Variants in WDR7 observed in about 807,000 individuals in gnomAD.
The protein encoded by WDR7 is WD repeat-containing protein 7.
WDR7 carries 46 observed loss-of-function variants against 169.4 expected under a neutral mutation model. That is an observed-to-expected ratio of 0.27 (90% confidence interval 0.21 to 0.35). WDR7 has a LOEUF of 0.35. Among genes scored for constraint, WDR7 ranks in the 10% least tolerant of loss-of-function variants. The probability of loss-of-function intolerance (pLI) is 1.00; values close to 1 mark genes in which losing one functional copy is unlikely to be tolerated. For synonymous variants in WDR7, 612 were observed against 666.8 expected, an observed-to-expected ratio of 0.92 and a Z score of 1.27; for missense variants, 1,534 against 1,859.3, an observed-to-expected ratio of 0.83 and a Z score of 3.22.
intron 19 of WDR7, among the ~76,000 whole-genome samples, chr18:56,793,033 TAAC>T: frequency 6.6e-6 from 1 of 152,310 alleles, no homozygotes; most frequent in East Asian, 1.9e-4. Context: ...CAAAGTACAC[TAAC>T]AGAGTGCCAG....
chr18:56,967,193 A>ATGCT (rs2047421965), intron 26 of WDR7, among the ~76,000 whole-genome samples: 2 of 151,584 alleles, frequency 1.3e-5, no homozygotes, highest in African/African-American at 4.9e-5. Context: ...GCTTGGGTGG[A>ATGCT]AAAGTTGAAG....
chr18:56,750,586 G>A (rs144926643), intron 14 of WDR7, among the ~76,000 whole-genome samples: 88 of 152,300 alleles, frequency 5.8e-4, no homozygotes, highest in African/African-American at 1.9e-3. Context: ...CATTTCAAAT[G>A]TTCTTAATAA....
At chr18:56,987,901 A>T (rs2047747478) in intron 26 of WDR7, among the ~76,000 whole-genome samples, 1 of 152,238 alleles carries the variant, frequency 6.6e-6, no homozygotes, top group South Asian at 2.1e-4. Context: ...ATTTCATGTT[A>T]TCATTAATTT....
chr18:56,913,430 C>T (rs2046579902), intron 21 of WDR7, among the ~76,000 whole-genome samples: 1 of 152,098 alleles, frequency 6.6e-6, no homozygotes, highest in Non-Finnish European at 1.5e-5. Context: ...TTCTTTCTGT[C>T]ATGACTACAT....
chr18:56,710,217 A>G (rs1365742947), intron 12 of WDR7, among the ~76,000 whole-genome samples: 1 of 151,944 alleles, frequency 6.6e-6, no homozygotes, highest in African/African-American at 2.4e-5. Context: ...GTTAGCCAGG[A>G]TGGTCTTGAT....
intron 19 of WDR7, among the ~76,000 whole-genome samples, chr18:56,783,177 G>C (rs1262229782): frequency 2.1e-5 from 3 of 145,574 alleles, no homozygotes; most frequent in Non-Finnish European, 3.0e-5. Flanking sequence ...AAAAAAACAA[G>C]GCATCTAGAC....
chr18:56,724,922 C>T (rs750759924), intron 13 of WDR7, among the ~76,000 whole-genome samples: 75 of 151,934 alleles, frequency 4.9e-4, no homozygotes, highest in Non-Finnish European at 9.6e-4. Flanking sequence ...TTTGTCCTTG[C>T]GATAGTTTGC....
At chr18:56,917,630 A>C (rs2046647026) in intron 21 of WDR7, among the ~76,000 whole-genome samples, 1 of 152,190 alleles carries the variant, frequency 6.6e-6, no homozygotes. Context: ...AAAAGTTTTA[A>C]ACATTGGCAT....
chr18:56,678,216 C>G (rs965583747), intron 2 of WDR7, among the ~76,000 whole-genome samples: 1 of 152,188 alleles, frequency 6.6e-6, no homozygotes, highest in Non-Finnish European at 1.5e-5. Context: ...AATTCAAACC[C>G]TATTTCGAAT....
intron 21 of WDR7, among the ~76,000 whole-genome samples, chr18:56,888,216 C>T (rs147750516): frequency 4.7e-4 from 71 of 152,260 alleles, no homozygotes; most frequent in Middle Eastern, 3.4e-3. Context: ...AGTTTTGTAA[C>T]GTATCTTATA....
intron 14 of WDR7, among the ~76,000 whole-genome samples, chr18:56,752,471 T>C (rs1464300526): frequency 6.6e-6 from 1 of 152,148 alleles, no homozygotes; most frequent in Non-Finnish European, 1.5e-5. Context: ...TCATCCAACA[T>C]TATAATAACT....
chr18:56,804,486 A>G (rs774313315), intron 19 of WDR7, among the ~76,000 whole-genome samples: 9 of 152,242 alleles, frequency 5.9e-5, no homozygotes, highest in South Asian at 4.1e-4. Flanking sequence ...CACTTCACAC[A>G]ATAAAATAAG....
At chr18:56,791,350 C>T (rs1236091512) in intron 19 of WDR7, among the ~76,000 whole-genome samples, 1 of 152,114 alleles carries the variant, frequency 6.6e-6, no homozygotes, top group Non-Finnish European at 1.5e-5. Context: ...AATAATTAAA[C>T]ATTTTCAGAT....
At position 56,722,248 on chromosome 18, in the gene WDR7, AC is replaced by A. The variant is rs1318948781; in HGVS notation, c.1774+4090del. Among the ~76,000 whole-genome samples the A allele has an allele frequency of 1.3e-5, 2 of 152,222 alleles. 1 individual carries two copies. The highest frequency in any genetic ancestry group is 4.1e-4 in the South Asian group (2 of 4,820). On this transcript the variant is annotated intron_variant, in intron 13 of 27. Coordinates refer to ENST00000254442, the MANE Select transcript of WDR7 (RefSeq NM_015285.3). ...TCTTCCTTAAGACTAATTTTTGAAAACGTTTTTCATGCTTTTATTTTGATAC... is the reference window on the plus strand; with the variant it reads ...TCTTCCTTAAGACTAATTTTTGAAAAGTTTTTCATGCTTTTATTTTGATAC...
chr18:56,960,831 T>C (rs74446576), intron 25 of WDR7, among the ~76,000 whole-genome samples: 6,352 of 152,176 alleles, frequency 0.042, 431 homozygotes, highest in African/African-American at 0.14. Context: ...TCCTAACCAC[T>C]TAGTAGCCAG....
chr18:56,731,544 C>A lies in WDR7; in HGVS notation c.1936C>A (p.His646Asn). ...TGCTGCTCTTAAAAATATGGCCCAT[C>A]ATAAGCTACAAACCCTTGCAACTAA... ...SLAALKNMAH[H>N]KLQTLATNLL... Residue 646 changes from histidine to asparagine, a missense_variant, in exon 14 of 28, where the codon CAT becomes AAT. His to Asn is a moderately conservative substitution (Grantham distance 68). Transcript: ENST00000254442. 6.2e-7 allele frequency: 1 copy of A among 1,614,088 alleles called. No homozygotes were observed. The highest frequency in any genetic ancestry group is 1.1e-5 in the South Asian group (1 of 91,076).
chr18:56,849,093 C>T (rs1386993292), intron 20 of WDR7, among the ~76,000 whole-genome samples: 1 of 152,006 alleles, frequency 6.6e-6, no homozygotes, highest in African/African-American at 2.4e-5. Flanking sequence ...ACCCAGTGTA[C>T]CCTTCATCTA....
intron 21 of WDR7, among the ~76,000 whole-genome samples, chr18:56,882,195 G>A (rs2046118458): frequency 6.6e-6 from 1 of 152,110 alleles, no homozygotes; most frequent in African/African-American, 2.4e-5. Flanking sequence ...TTTCTACAAA[G>A]GGCTCTTTAA....
intron 26 of WDR7, among the ~76,000 whole-genome samples, chr18:56,969,376 A>G (rs1231699734): frequency 6.6e-6 from 1 of 152,156 alleles, no homozygotes; most frequent in East Asian, 1.9e-4. Flanking sequence ...TTTGATCATC[A>G]TACATAATCT....
Sources: gnomAD v4.1 joint callset for allele counts (sites outside exome capture counted in the v4.1 genomes callset) on GRCh38, gnomAD v4.1.1 for gene constraint, MANE v1.5 for transcripts, NCBI Gene and HGNC (gene_info 2026-07-23, HGNC 2026-07-21) for gene names.